The following STARD13 variants were observed in gnomAD, a reference collection of about 807,000 sequenced individuals.
STARD13 encodes StAR related lipid transfer domain containing 13, also known as stAR-related lipid transfer protein 13.
Under a neutral mutation model 106.4 loss-of-function variants are expected in STARD13, and 62 were observed. The ratio of observed to expected loss-of-function variants is 0.58; its 90% CI spans 0.48 to 0.72. The LOEUF (loss-of-function observed/expected upper bound fraction) is 0.72. STARD13 is among the 30% of genes least tolerant of loss of function. The probability of loss-of-function intolerance (pLI) is 0.00; values close to 1 mark genes in which losing one functional copy is unlikely to be tolerated. For synonymous variants in STARD13, 565 were observed against 553.0 expected (o/e 1.02, Z -0.31); for missense variants, 1,387 against 1,424.0 (o/e 0.97, Z 0.42).
At chr13:33,492,544 C>T in the STARD13 span, among the ~76,000 whole-genome samples, 2 of 152,138 alleles carry the variant, frequency 1.3e-5, no homozygotes, top group African/African-American at 4.8e-5. Flanking sequence ...CAAACAAAAC[C>T]TACCAAAACC....
chr13:33,318,031 C>T (rs1464747178), intron 1 of STARD13, among the ~76,000 whole-genome samples: 1 of 152,186 alleles, frequency 6.6e-6, no homozygotes, highest in African/African-American at 2.4e-5. Flanking sequence ...AAAAGTCTTT[C>T]AACCACATTG....
At chr13:33,511,290 A>T in the STARD13 span, 3 of 151,328 alleles carry the variant, frequency 2.0e-5, no homozygotes, top group African/African-American at 7.3e-5. Context: ...TCCAGCCTGG[A>T]CAACACAGCA....
chr13:33,257,625 T>A lies in STARD13; in HGVS notation c.169+27845A>T, dbSNP rs1243085224. Among the ~76,000 whole-genome samples, 12 of 152,298 alleles carry A rather than the reference T, an allele frequency of 7.9e-5. No individual in the cohort carries two copies. The East Asian group carries it at 2.3e-3, about 29-fold the overall frequency. On this transcript the variant is annotated intron_variant, in intron 1 of 13. Coordinates refer to ENST00000336934, the MANE Select transcript of STARD13 (RefSeq NM_178006.4). ...AATGTGGATTACCATTAAAAAAGGATTTGTAAGCAATTTCAGAAATATAAT... is the reference window on the plus strand; with the variant it reads ...AATGTGGATTACCATTAAAAAAGGAATTGTAAGCAATTTCAGAAATATAAT...
intron 1 of STARD13, among the ~76,000 whole-genome samples, chr13:33,261,356 T>C (rs1296090065): frequency 6.6e-6 from 1 of 152,144 alleles, no homozygotes; most frequent in Non-Finnish European, 1.5e-5. Flanking sequence ...AGTGGGGAGA[T>C]TGAGAACCCC....
chr13:33,421,474 T>C, the STARD13 span, among the ~76,000 whole-genome samples: 1 of 151,978 alleles, frequency 6.6e-6, no homozygotes, highest in Non-Finnish European at 1.5e-5. Flanking sequence ...AACCAAAAAA[T>C]GTCCAGGACC....
the STARD13 span, among the ~76,000 whole-genome samples, chr13:33,624,726 G>A: frequency 1.3e-5 from 2 of 152,298 alleles, no homozygotes; most frequent in South Asian, 4.2e-4. Context: ...TTGGATGTAG[G>A]TAATTGGATA....
rs147874198 is a variant in STARD13 at position 33,285,268 on chromosome 13, A to C, written c.169+202T>G. On this transcript the variant is annotated intron_variant, in intron 1 of 13. Coordinates refer to ENST00000336934, the MANE Select transcript of STARD13 (RefSeq NM_178006.4). Reference sequence around the variant, plus strand: ...CACCGTGAAGTTTTTTGTGCACTTTATGTTGAGCTATGTGGCAGCTAAGGA... The same window carrying C: ...CACCGTGAAGTTTTTTGTGCACTTTCTGTTGAGCTATGTGGCAGCTAAGGA... 1.5e-3 allele frequency among the ~76,000 whole-genome samples: 227 copies of C among 152,246 alleles called. 2 individuals are homozygous for C. Among genetic ancestry groups the C allele is most frequent in the African/African-American group, 5.3e-3 (219 of 41,556 alleles).
the STARD13 span, among the ~76,000 whole-genome samples, chr13:33,630,587 T>C: frequency 3.9e-5 from 6 of 152,234 alleles, no homozygotes; most frequent in Non-Finnish European, 5.9e-5. Flanking sequence ...TAGTGACCTA[T>C]AGCCACTTTG....
the STARD13 span, among the ~76,000 whole-genome samples, chr13:33,636,867 C>G: frequency 5.9e-5 from 9 of 152,262 alleles, no homozygotes; most frequent in African/African-American, 2.2e-4. Context: ...GCAGCTGGTT[C>G]TAGGGACCTC....
the STARD13 span, among the ~76,000 whole-genome samples, chr13:33,431,748 C>T: frequency 6.6e-6 from 1 of 152,154 alleles, no homozygotes; most frequent in Admixed American, 6.5e-5. Flanking sequence ...GCTTACCTTA[C>T]AGGGTGGTCA....
upstream of STARD13, among the ~76,000 whole-genome samples, chr13:33,286,765 A>G (rs1002254621): frequency 6.6e-6 from 1 of 152,136 alleles, no homozygotes; most frequent in Non-Finnish European, 1.5e-5. Context: ...AAGAGACTGT[A>G]GGTACCCATG....
chr13:33,382,849 G>C, the STARD13 span, among the ~76,000 whole-genome samples: 1 of 152,110 alleles, frequency 6.6e-6, no homozygotes, highest in East Asian at 1.9e-4. Flanking sequence ...TAGCTATTCT[G>C]TTGATAGCTA....
intron 1 of STARD13, chr13:33,180,298 G>C (rs936686772): frequency 5.9e-5 from 9 of 152,292 alleles, no homozygotes; most frequent in Non-Finnish European, 1.2e-4. Context: ...CACCAGGCTG[G>C]GGAAGACAGT....
rs1566531029 is a variant in STARD13, at chr13:33,111,766, C to T, written c.2607+12G>A. 1.3e-6 allele frequency: 2 copies of T among 1,585,330 alleles called. No individual in the cohort carries two copies. The highest frequency in any genetic ancestry group is 1.1e-5 in the South Asian group (1 of 90,492). On this transcript the variant is annotated intron_variant, in intron 10 of 13. Transcript: ENST00000336934. ...GCTACTAGGGAGGCGGAGGTTCGAG[C>T]CTTTTGCTCACCTCAAAAAGTCTGT...
intron 1 of STARD13, among the ~76,000 whole-genome samples, chr13:33,308,967 G>C (rs955203987): frequency 2.0e-5 from 3 of 152,190 alleles, no homozygotes; most frequent in Non-Finnish European, 4.4e-5. Flanking sequence ...AGGTCAGCAA[G>C]AGCCCCAGTG....
the STARD13 span, chr13:33,659,778 T>C: frequency 1.3e-5 from 2 of 151,922 alleles, no homozygotes. Flanking sequence ...GTTGCAGCTG[T>C]TTTTTCTCCA....
At chr13:33,341,715 G>T (rs1463186329) in intron 1 of STARD13, among the ~76,000 whole-genome samples, 6 of 152,166 alleles carry the variant, frequency 3.9e-5, no homozygotes, top group Non-Finnish European at 7.3e-5. Flanking sequence ...ATTCAAGGAG[G>T]ACGCTGTATT....
the STARD13 span, among the ~76,000 whole-genome samples, chr13:33,432,681 T>C: frequency 1.3e-5 from 2 of 152,238 alleles, no homozygotes; most frequent in African/African-American, 4.8e-5. Context: ...CTTTCAAGAT[T>C]ATATGTTTGC....
the STARD13 span, among the ~76,000 whole-genome samples, chr13:33,491,816 C>G: frequency 1.3e-5 from 2 of 152,072 alleles, no homozygotes; most frequent in Non-Finnish European, 2.9e-5. Context: ...TCTGAGGAAC[C>G]TAAATGCAAG....
Sources: allele counts gnomAD v4.1 joint callset (sites outside exome capture counted in the v4.1 genomes callset), GRCh38; gene constraint gnomAD v4.1.1; transcripts MANE v1.5; gene names NCBI Gene and HGNC (gene_info 2026-07-23, HGNC 2026-07-21).